MEIKIN: variants seen among roughly 807,000 people sequenced by gnomAD.
The protein encoded by MEIKIN is meiotic kinetochore factor, also known as meiosis-specific kinetochore protein.
In MEIKIN at chr5:131,867,665, G is replaced by A. The variant is rs544687682; in HGVS notation, c.774+11313C>T. On this transcript the variant is annotated intron_variant, in intron 9 of 12. Coordinates refer to ENST00000442687, the MANE Select transcript of MEIKIN (RefSeq NM_001303622.2). ...AGTCACTTCTTTCACTTAGTAATAT[G>A]AATTTAAGTTTCCTCCATGTCTTTT... Among the ~76,000 whole-genome samples, 60 of 152,168 alleles carry A rather than the reference G, an allele frequency of 3.9e-4. 1 individual carries two copies. Among genetic ancestry groups the A allele is most frequent in the Admixed American group, 1.5e-3 (23 of 15,262 alleles).
intron 9 of MEIKIN, among the ~76,000 whole-genome samples, chr5:131,865,944 G>T (rs1561737317): frequency 6.6e-6 from 1 of 152,200 alleles, no homozygotes; most frequent in African/African-American, 2.4e-5. Flanking sequence ...AAGCATGCCT[G>T]TCCTTGGTCC....
chr5:131,945,577 G>A lies in MEIKIN; in HGVS notation c.-72C>T, dbSNP rs186292095. ...ATGGCCTGCCTTCCTGAGGATCAGG[G>A]CTAAGTCACAGGGAGTCAGCGTCCA... On this transcript the variant is annotated 5_prime_UTR_variant, in exon 1 of 13. Transcript: ENST00000442687. 3.1e-3 allele frequency: 1,243 copies of A among 399,926 alleles called. 18 individuals carry two copies. The highest frequency in any genetic ancestry group is 0.023 in the African/African-American group (1,127 of 48,748). The allele number at this position is 399,926 out of a possible 1,614,324, so 24.8% of individuals were successfully genotyped here.
intron 3 of MEIKIN, among the ~76,000 whole-genome samples, chr5:131,944,101 A>G (rs1467596077): frequency 6.8e-6 from 1 of 147,340 alleles, no homozygotes; most frequent in Non-Finnish European, 1.5e-5. Context: ...ACAGAGCAAG[A>G]CTCTGTCTCC....
intron 5 of MEIKIN, among the ~76,000 whole-genome samples, chr5:131,928,590 C>G (rs1044593976): frequency 6.6e-6 from 1 of 152,154 alleles, no homozygotes; most frequent in East Asian, 1.9e-4. Context: ...GTATTATTAA[C>G]ATCTTCAGTT....
intron 8 of MEIKIN, among the ~76,000 whole-genome samples, chr5:131,882,596 A>T (rs1044655821): frequency 1.3e-5 from 2 of 152,212 alleles, no homozygotes; most frequent in African/African-American, 2.4e-5. Flanking sequence ...AATGTAAAAT[A>T]AAAAAATATA....
chr5:131,873,686 C>T (rs1230667122), intron 9 of MEIKIN, among the ~76,000 whole-genome samples: 1 of 152,184 alleles, frequency 6.6e-6, no homozygotes, highest in Non-Finnish European at 1.5e-5. Context: ...CCCAAATCAA[C>T]AGAATATACA....
At chr5:131,920,867 C>G (rs1175277693) in intron 6 of MEIKIN, among the ~76,000 whole-genome samples, 1 of 151,826 alleles carries the variant, frequency 6.6e-6, no homozygotes, top group Non-Finnish European at 1.5e-5. Context: ...ACATCTGGCT[C>G]ATTTTTTATT....
At chr5:131,876,484 A>G (rs1226101912) in intron 9 of MEIKIN, among the ~76,000 whole-genome samples, 2 of 146,900 alleles carry the variant, frequency 1.4e-5, no homozygotes, top group Non-Finnish European at 3.0e-5. Context: ...ATCATTAAAA[A>G]GTCAGGAAAC....
chr5:131,847,283 T>C (rs1165490490), intron 11 of MEIKIN, among the ~76,000 whole-genome samples: 3 of 152,072 alleles, frequency 2.0e-5, no homozygotes, highest in South Asian at 2.1e-4. Context: ...AAAAAACATA[T>C]GCTATATGTT....
intron 9 of MEIKIN, among the ~76,000 whole-genome samples, chr5:131,873,114 C>T (rs949132244): frequency 1.3e-5 from 2 of 152,182 alleles, no homozygotes; most frequent in Admixed American, 1.3e-4. Context: ...AGCCAGCTGA[C>T]ATCATAATGA....
intron 8 of MEIKIN, among the ~76,000 whole-genome samples, chr5:131,891,092 T>C (rs1443530843): frequency 6.6e-6 from 1 of 152,230 alleles, no homozygotes; most frequent in Non-Finnish European, 1.5e-5. Context: ...CAGTTTGTTA[T>C]GATTTCTGTT....
chr5:131,819,070 A>G (rs1749428838), intron 11 of MEIKIN, among the ~76,000 whole-genome samples: 2 of 152,184 alleles, frequency 1.3e-5, no homozygotes, highest in African/African-American at 4.8e-5. Context: ...AGCAAGGCAG[A>G]TTATATTATC....
At chr5:131,834,734 T>C (rs1429231058) in intron 11 of MEIKIN, among the ~76,000 whole-genome samples, 1 of 152,236 alleles carries the variant, frequency 6.6e-6, no homozygotes, top group Non-Finnish European at 1.5e-5. Context: ...TGTTCTCATA[T>C]CTTGACTATT....
chr5:131,921,460 C>T (rs2149647662), intron 6 of MEIKIN, among the ~76,000 whole-genome samples: 1 of 152,250 alleles, frequency 6.6e-6, no homozygotes, highest in Non-Finnish European at 1.5e-5. Context: ...GAGTTCAAGA[C>T]CAGCCTGGCC....
chr5:131,810,481 T>C (rs972708741), intron 12 of MEIKIN, among the ~76,000 whole-genome samples: 1 of 152,244 alleles, frequency 6.6e-6, no homozygotes, highest in African/African-American at 2.4e-5. Context: ...CTACAAGTAA[T>C]AAGCTCTGTG....
At chr5:131,863,896 G>A (rs1010221971) in intron 9 of MEIKIN, among the ~76,000 whole-genome samples, 2 of 152,132 alleles carry the variant, frequency 1.3e-5, no homozygotes, top group African/African-American at 4.8e-5. Flanking sequence ...TGTAAGACGT[G>A]ACTTGCTCCT....
At chr5:131,909,135 A>C (rs1751292945) in intron 8 of MEIKIN, among the ~76,000 whole-genome samples, 1 of 152,148 alleles carries the variant, frequency 6.6e-6, no homozygotes, top group Non-Finnish European at 1.5e-5. Flanking sequence ...AAATAACAAA[A>C]CTGAGAAATC....
chr5:131,816,745 T>C (rs1773108688), intron 12 of MEIKIN, among the ~76,000 whole-genome samples: 1 of 152,242 alleles, frequency 6.6e-6, no homozygotes, highest in Non-Finnish European at 1.5e-5. Flanking sequence ...TATGCTGATG[T>C]TATCAGAGAT....
intron 11 of MEIKIN, among the ~76,000 whole-genome samples, chr5:131,820,712 A>G (rs181951121): frequency 1.6e-3 from 248 of 152,246 alleles, no homozygotes; most frequent in African/African-American, 5.1e-3. Flanking sequence ...ATTGGTCTAT[A>G]CAGGTTTTTG....
Sources: allele counts gnomAD v4.1 joint callset (sites outside exome capture counted in the v4.1 genomes callset), GRCh38; gene constraint gnomAD v4.1.1; transcripts MANE v1.5; gene names NCBI Gene and HGNC (gene_info 2026-07-23, HGNC 2026-07-21).